SLC35F1: variants seen among roughly 807,000 people sequenced by gnomAD.
SLC35F1 encodes the protein solute carrier family 35 member F1, also known as chromosome 6 open reading frame 169.
In SLC35F1, 14 loss-of-function variants were observed where a neutral mutation model predicts 48.7. The observed-to-expected ratio is 0.29, with a 90% CI of 0.19 to 0.45. SLC35F1 has a LOEUF of 0.45. Among genes scored for constraint, SLC35F1 ranks in the 20% least tolerant of loss-of-function variants. The probability of loss-of-function intolerance (pLI) is 1.00; values close to 1 mark genes in which losing one functional copy is unlikely to be tolerated. For missense variants in SLC35F1, 404 were observed against 500.0 expected, an observed-to-expected ratio of 0.81 and a Z score of 1.83; for synonymous variants, 190 against 202.2, an observed-to-expected ratio of 0.94 and a Z score of 0.51.
At chr6:118,089,617 C>T (rs2114340222) in intron 1 of SLC35F1, among the ~76,000 whole-genome samples, 1 of 152,306 alleles carries the variant, frequency 6.6e-6, no homozygotes, top group Non-Finnish European at 1.5e-5. Context: ...ATCAACAACA[C>T]ACACAAAGAG....
intron 2 of SLC35F1, among the ~76,000 whole-genome samples, chr6:118,202,194 TC>T (rs777820897): frequency 6.6e-6 from 1 of 152,162 alleles, no homozygotes; most frequent in Non-Finnish European, 1.5e-5. Context: ...CTAGACTGTT[TC>T]CCAAAGTGGC....
rs1776814082 is a variant in SLC35F1 at position 117,983,840 on chromosome 6, T to G, written c.173+75941T>G. Among the ~76,000 whole-genome samples, 3 of 152,170 alleles carry G rather than the reference T, an allele frequency of 2.0e-5. 1 individual carries two copies. The South Asian group carries it at 6.2e-4, about 32-fold the overall frequency. On this transcript the variant is annotated intron_variant, in intron 1 of 7. Transcript: ENST00000360388. ...CTTACACCTGTTGTGACTGGCCTGA[T>G]TTTTTGAATGTTAGGCATGTAGGTG...
intron 2 of SLC35F1, among the ~76,000 whole-genome samples, chr6:118,195,228 C>T (rs919327734): frequency 2.6e-5 from 4 of 152,130 alleles, no homozygotes; most frequent in Non-Finnish European, 5.9e-5. Flanking sequence ...TTGGTGCTGC[C>T]GTCTATTTCT....
chr6:118,009,270 C>T (rs1293763549), intron 1 of SLC35F1, among the ~76,000 whole-genome samples: 1 of 152,116 alleles, frequency 6.6e-6, no homozygotes, highest in East Asian at 1.9e-4. Flanking sequence ...TAAGGAGATC[C>T]TAAAGATGGT....
intron 1 of SLC35F1, among the ~76,000 whole-genome samples, chr6:117,942,108 G>T (rs552654770): frequency 6.6e-6 from 1 of 152,298 alleles, no homozygotes; most frequent in African/African-American, 2.4e-5. Flanking sequence ...ACACTTTGCA[G>T]TATCACATCT....
At chr6:117,922,780 T>C (rs1775916081) in intron 1 of SLC35F1, among the ~76,000 whole-genome samples, 2 of 152,196 alleles carry the variant, frequency 1.3e-5, no homozygotes, top group Admixed American at 1.3e-4. Flanking sequence ...ATATCCTCTT[T>C]GAGCCAGGTT....
chr6:117,985,814 G>A (rs977453769), intron 1 of SLC35F1, among the ~76,000 whole-genome samples: 3 of 152,198 alleles, frequency 2.0e-5, no homozygotes, highest in African/African-American at 7.2e-5. Context: ...AAATATGCAT[G>A]CACTTAAGTT....
At chr6:118,031,827 C>G (rs117161535) in intron 1 of SLC35F1, among the ~76,000 whole-genome samples, 1 of 152,108 alleles carries the variant, frequency 6.6e-6, no homozygotes, top group African/African-American at 2.4e-5. Flanking sequence ...TTTGGGTCAT[C>G]GGGTCATTGC....
At chr6:118,106,970 A>AC (rs1773334951) in intron 1 of SLC35F1, among the ~76,000 whole-genome samples, 2 of 152,028 alleles carry the variant, frequency 1.3e-5, no homozygotes, top group Admixed American at 1.3e-4. Context: ...ATAACATTCT[A>AC]CCCCCCAGCA....
At chr6:118,074,695 G>A (rs1164444854) in intron 1 of SLC35F1, among the ~76,000 whole-genome samples, 3 of 152,128 alleles carry the variant, frequency 2.0e-5, no homozygotes, top group Admixed American at 6.6e-5. Context: ...CCATCATCCA[G>A]GCTAAATGCA....
At chr6:118,185,636 G>A (rs2114516196) in intron 2 of SLC35F1, among the ~76,000 whole-genome samples, 1 of 152,218 alleles carries the variant, frequency 6.6e-6, no homozygotes. Context: ...AATCAGACCT[G>A]GCAACAGTGA....
At chr6:117,986,704 A>G (rs575440769) in intron 1 of SLC35F1, among the ~76,000 whole-genome samples, 1 of 152,248 alleles carries the variant, frequency 6.6e-6, no homozygotes, top group South Asian at 2.1e-4. Context: ...CTGTCCCTCT[A>G]TGCTGGAGAA....
chr6:118,307,785 G>A (rs982564579), intron 7 of SLC35F1, among the ~76,000 whole-genome samples: 5 of 152,156 alleles, frequency 3.3e-5, no homozygotes, highest in African/African-American at 9.7e-5. Context: ...TCAGGACCTG[G>A]CAGAGCTTTT....
chr6:118,090,154 C>G (rs1406990234), intron 1 of SLC35F1, among the ~76,000 whole-genome samples: 1 of 152,166 alleles, frequency 6.6e-6, no homozygotes, highest in Non-Finnish European at 1.5e-5. Flanking sequence ...TATTTTAACA[C>G]CTCAAGGTGG....
At chr6:117,940,183 C>T (rs904816874) in intron 1 of SLC35F1, among the ~76,000 whole-genome samples, 1 of 152,138 alleles carries the variant, frequency 6.6e-6, no homozygotes, top group Non-Finnish European at 1.5e-5. Flanking sequence ...GTGCTGATTG[C>T]TTTTGATTCA....
chr6:117,958,891 A>G (rs1217683509), intron 1 of SLC35F1, among the ~76,000 whole-genome samples: 1 of 152,248 alleles, frequency 6.6e-6, no homozygotes, highest in Admixed American at 6.5e-5. Context: ...GAAAGACTAT[A>G]GTAAAATACT....
chr6:118,252,231 A>G (rs896540377), intron 3 of SLC35F1, among the ~76,000 whole-genome samples: 4 of 152,046 alleles, frequency 2.6e-5, no homozygotes, highest in Non-Finnish European at 5.9e-5. Flanking sequence ...GTAGAAGTGG[A>G]TGTGATTAGA....
chr6:118,234,204 C>T (rs1775332678), intron 2 of SLC35F1, among the ~76,000 whole-genome samples: 1 of 152,146 alleles, frequency 6.6e-6, no homozygotes, highest in Non-Finnish European at 1.5e-5. Flanking sequence ...TCTAAGATGG[C>T]CTCCAAGGAT....
intron 1 of SLC35F1, among the ~76,000 whole-genome samples, chr6:118,057,463 T>G (rs191412095): frequency 6.6e-6 from 1 of 152,280 alleles, no homozygotes; most frequent in Non-Finnish European, 1.5e-5. Context: ...AACACTGAGA[T>G]TCTTGCAGAT....
Sources: gnomAD v4.1 joint callset for allele counts (sites outside exome capture counted in the v4.1 genomes callset) on GRCh38, gnomAD v4.1.1 for gene constraint, MANE v1.5 for transcripts, NCBI Gene and HGNC (gene_info 2026-07-23, HGNC 2026-07-21) for gene names.